Variants in LRP1B observed in about 807,000 individuals in gnomAD.
LRP1B encodes LDL receptor related protein 1B, also known as low-density lipoprotein receptor-related protein 1B.
Under a neutral mutation model 556.6 loss-of-function variants are expected in LRP1B, and 217 were observed. The ratio of observed to expected loss-of-function variants is 0.39; its 90% CI spans 0.35 to 0.44. The LOEUF (loss-of-function observed/expected upper bound fraction) is 0.44, where lower values mean the gene tolerates loss of function less well. Among genes scored for constraint, LRP1B ranks in the 20% least tolerant of loss-of-function variants. LRP1B has a pLI of 1.00. For missense variants in LRP1B, 5,053 were observed against 5,620.8 expected (o/e 0.90, Z 3.23); for synonymous variants, 2,047 against 1,865.8 (o/e 1.10, Z -2.50).
rs144391684 is a variant in LRP1B at position 141,356,478 on chromosome 2, A to C, written c.344-101837T>G. 2.5e-3 allele frequency among the ~76,000 whole-genome samples: 373 copies of C among 152,182 alleles called. 1 individual carries two copies. The highest frequency in any genetic ancestry group is 8.5e-3 in the African/African-American group (353 of 41,574). On this transcript the variant is annotated intron_variant, in intron 3 of 90. Coordinates refer to ENST00000389484, the MANE Select transcript of LRP1B (RefSeq NM_018557.3). Reference sequence around the variant, plus strand: ...AAAAAGTATGGCAAATACACACTACAGAGTATGAGGAAATGATCTAAAGGA... The same window carrying C: ...AAAAAGTATGGCAAATACACACTACCGAGTATGAGGAAATGATCTAAAGGA...
chr2:140,785,061 C>G (rs1689848246), intron 32 of LRP1B, among the ~76,000 whole-genome samples: 1 of 152,000 alleles, frequency 6.6e-6, no homozygotes, highest in Admixed American at 6.6e-5. Flanking sequence ...CTACAAGTTT[C>G]TAGAGTGAAG....
intron 2 of LRP1B, among the ~76,000 whole-genome samples, chr2:141,544,387 C>CTTCTTCTTCTTCTT: frequency 2.2e-5 from 1 of 44,572 alleles, no homozygotes; most frequent in South Asian, 1.1e-3. Flanking sequence ...TTCTTCTCCT[C>CTTCTTCTTCTTCTT]CTCCTCCTCC....
At position 141,276,619 on chromosome 2, in the gene LRP1B, A is replaced by T. The variant is rs190593837; in HGVS notation, c.344-21978T>A. ...AGCTCCATCCATGTTGATGCAAAGGATATAATCTCATTCTATTTTTTTCTT... is the reference window on the plus strand; with the variant it reads ...AGCTCCATCCATGTTGATGCAAAGGTTATAATCTCATTCTATTTTTTTCTT... On this transcript the variant is annotated intron_variant, in intron 3 of 90. Transcript: ENST00000389484. Among the ~76,000 whole-genome samples the T allele has an allele frequency of 6.7e-5, 10 of 149,612 alleles. No individual in the cohort carries two copies. The East Asian group carries it at 2.0e-3, about 29-fold the overall frequency.
intron 3 of LRP1B, among the ~76,000 whole-genome samples, chr2:141,258,140 T>C (rs1684550292): frequency 6.6e-6 from 1 of 152,202 alleles, no homozygotes; most frequent in Admixed American, 6.5e-5. Context: ...AAACACGGTG[T>C]CTGATCCATA....
intron 2 of LRP1B, among the ~76,000 whole-genome samples, chr2:141,527,796 A>G (rs1006464685): frequency 3.3e-5 from 5 of 152,154 alleles, no homozygotes; most frequent in African/African-American, 1.2e-4. Context: ...ATTTTGCTGT[A>G]AATATTTCTA....
chr2:141,790,462 G>A (rs1695577200), intron 2 of LRP1B, among the ~76,000 whole-genome samples: 1 of 151,894 alleles, frequency 6.6e-6, no homozygotes, highest in South Asian at 2.1e-4. Flanking sequence ...GGCTGCTGTG[G>A]GGTGGAGGGT....
intron 35 of LRP1B, among the ~76,000 whole-genome samples, chr2:140,744,915 A>G (rs575296390): frequency 6.6e-6 from 1 of 152,298 alleles, no homozygotes; most frequent in South Asian, 2.1e-4. Flanking sequence ...TGTTTGACAT[A>G]CAGTAGGTGC....
At chr2:140,669,336 T>C (rs1051937693) in intron 41 of LRP1B, among the ~76,000 whole-genome samples, 5 of 152,286 alleles carry the variant, frequency 3.3e-5, no homozygotes, top group Admixed American at 1.3e-4. Context: ...CTTTATTCTT[T>C]ATTGGGTCTA....
At chr2:141,702,193 C>A (rs74598322) in intron 2 of LRP1B, among the ~76,000 whole-genome samples, 2,623 of 151,868 alleles carry the variant, frequency 0.017, 37 homozygotes, top group Middle Eastern at 0.061. Flanking sequence ...ATGGTTAGAT[C>A]AATTGGCTTA....
intron 1 of LRP1B, 47 bp from the exon 2 acceptor site, chr2:141,810,448 G>A (rs2105708077): frequency 6.3e-7 from 1 of 1,598,112 alleles, no homozygotes; most frequent in Non-Finnish European, 8.6e-7. Context: ...ATCTGAACAT[G>A]GGCAGAACGA....
intron 59 of LRP1B, among the ~76,000 whole-genome samples, chr2:140,479,957 A>G (rs1688163541): frequency 6.6e-6 from 1 of 152,198 alleles, no homozygotes; most frequent in African/African-American, 2.4e-5. Context: ...GTTTGTGCAT[A>G]GGTGCAGGCA....
At chr2:141,365,331 T>G (rs548149755) in intron 3 of LRP1B, among the ~76,000 whole-genome samples, 1 of 152,038 alleles carries the variant, frequency 6.6e-6, no homozygotes, top group Non-Finnish European at 1.5e-5. Flanking sequence ...CCAAAGTGCT[T>G]GAGCCACTGC....
At chr2:140,405,319 C>A (rs1195684229) in intron 66 of LRP1B, among the ~76,000 whole-genome samples, 1 of 151,938 alleles carries the variant, frequency 6.6e-6, no homozygotes, top group Non-Finnish European at 1.5e-5. Context: ...GAGAAACAGG[C>A]ACTAACTAAA....
At chr2:141,146,245 C>T (rs1701782787) in intron 7 of LRP1B, among the ~76,000 whole-genome samples, 1 of 152,142 alleles carries the variant, frequency 6.6e-6, no homozygotes, top group Non-Finnish European at 1.5e-5. Flanking sequence ...CTCTTACCAC[C>T]TATTAGTCTT....
intron 7 of LRP1B, among the ~76,000 whole-genome samples, chr2:141,153,977 T>C (rs1281687537): frequency 6.6e-6 from 1 of 151,618 alleles, no homozygotes; most frequent in Admixed American, 6.6e-5. Context: ...TCTCTGAGAA[T>C]AGCAAAACAG....
intron 2 of LRP1B, among the ~76,000 whole-genome samples, chr2:141,553,748 TA>T: frequency 7.3e-6 from 1 of 137,666 alleles, no homozygotes; most frequent in African/African-American, 2.7e-5. Context: ...ATATATAAAA[TA>T]TATAATATAT....
rs901681378 is a variant in LRP1B at position 141,137,124 on chromosome 2, A to C, written c.1013+51297T>G. Among the ~76,000 whole-genome samples, 3 of 151,984 alleles carry C rather than the reference A, an allele frequency of 2.0e-5. No homozygotes were observed. The East Asian group carries it at 5.8e-4, about 29-fold the overall frequency. ...AAAAAGATTTTGTAGGTAATACTCT[A>C]ATTTCTGGTATGGAATATTTTTCCA... On this transcript the variant is annotated intron_variant, in intron 7 of 90. Coordinates refer to ENST00000389484, the MANE Select transcript of LRP1B (RefSeq NM_018557.3).
At chr2:141,268,283 G>A (rs1558971026) in intron 3 of LRP1B, among the ~76,000 whole-genome samples, 1 of 152,134 alleles carries the variant, frequency 6.6e-6, no homozygotes, top group East Asian at 1.9e-4. Context: ...AAAGAGACTA[G>A]GCAGGAAGCT....
At chr2:141,181,513 G>A (rs1263670668) in intron 7 of LRP1B, among the ~76,000 whole-genome samples, 1 of 151,760 alleles carries the variant, frequency 6.6e-6, no homozygotes, top group East Asian at 1.9e-4. Flanking sequence ...TAATTGAGAG[G>A]GAGGTTTAAC....
Sources: gnomAD v4.1 joint callset for allele counts (sites outside exome capture counted in the v4.1 genomes callset) on GRCh38, gnomAD v4.1.1 for gene constraint, MANE v1.5 for transcripts, NCBI Gene and HGNC (gene_info 2026-07-23, HGNC 2026-07-21) for gene names.